SLC25A48: variants seen among roughly 807,000 people sequenced by gnomAD.
The protein encoded by SLC25A48 is solute carrier family 25 member 48.
In SLC25A48, 29 loss-of-function variants were observed where a neutral mutation model predicts 32.2. That is an observed-to-expected ratio of 0.90 (90% CI 0.67 to 1.23). SLC25A48 has a LOEUF of 1.23. Among genes scored for constraint, SLC25A48 ranks in the 50% most tolerant of loss-of-function variants. The pLI, the probability that SLC25A48 is intolerant of heterozygous loss-of-function variation, is 0.00. For synonymous variants in SLC25A48, 164 were observed against 172.3 expected (o/e 0.95, Z 0.38); for missense variants, 399 against 422.7 (o/e 0.94, Z 0.49).
intron 4 of SLC25A48, among the ~76,000 whole-genome samples, chr5:135,828,307 G>A (rs1376994977): frequency 6.6e-6 from 1 of 152,228 alleles, no homozygotes; most frequent in Non-Finnish European, 1.5e-5. Flanking sequence ...CATAACGATG[G>A]AGAGATTTGA....
At chr5:135,607,394 T>G (rs1177602508) in intron 1 of SLC25A48, among the ~76,000 whole-genome samples, 1 of 152,232 alleles carries the variant, frequency 6.6e-6, no homozygotes, top group Non-Finnish European at 1.5e-5. Flanking sequence ...TCTATCCATG[T>G]GTGCACGCAT....
chr5:135,793,912 C>G (rs1480291611), intron 3 of SLC25A48, among the ~76,000 whole-genome samples: 1 of 147,484 alleles, frequency 6.8e-6, no homozygotes, highest in African/African-American at 2.5e-5. Context: ...TGTGTACAAC[C>G]TGGGATATTA....
chr5:135,882,123 CT>C (rs1762519244), intron 7 of SLC25A48, among the ~76,000 whole-genome samples: 1 of 152,238 alleles, frequency 6.6e-6, no homozygotes, highest in South Asian at 2.1e-4. Context: ...TGGAAGCGCT[CT>C]TTCTTGCAAG....
intron 1 of SLC25A48, among the ~76,000 whole-genome samples, chr5:135,600,534 T>C (rs1751770478): frequency 6.6e-6 from 1 of 152,204 alleles, no homozygotes; most frequent in African/African-American, 2.4e-5. Flanking sequence ...CCTACCCTTT[T>C]GTAGTGTTCA....
At chr5:135,801,845 A>G (rs1318491364) in intron 3 of SLC25A48, among the ~76,000 whole-genome samples, 2 of 151,558 alleles carry the variant, frequency 1.3e-5, no homozygotes, top group Non-Finnish European at 2.9e-5. Flanking sequence ...TATTGTTCGT[A>G]TTATCCGGGG....
intron 7 of SLC25A48, among the ~76,000 whole-genome samples, chr5:135,882,258 C>T (rs1762530233): frequency 6.6e-6 from 1 of 152,222 alleles, no homozygotes; most frequent in Non-Finnish European, 1.5e-5. Flanking sequence ...ACAAGTCTTG[C>T]CCATGGCATT....
chr5:135,692,363 T>C (rs1253615822), intron 3 of SLC25A48, among the ~76,000 whole-genome samples: 1 of 132,508 alleles, frequency 7.5e-6, no homozygotes, highest in East Asian at 2.1e-4. Context: ...GCTAGTTCTT[T>C]GTCTGGCAGT....
At chr5:135,795,020 C>T (rs1289883312) in intron 3 of SLC25A48, among the ~76,000 whole-genome samples, 1 of 151,654 alleles carries the variant, frequency 6.6e-6, no homozygotes, top group Non-Finnish European at 1.5e-5. Flanking sequence ...ACTCAATTTC[C>T]CAGGGGTTAT....
At chr5:135,689,141 T>A (rs946080026) in intron 3 of SLC25A48, among the ~76,000 whole-genome samples, 3 of 152,154 alleles carry the variant, frequency 2.0e-5, no homozygotes, top group African/African-American at 7.2e-5. Flanking sequence ...TTGCATGAAA[T>A]CAATGAGATA....
upstream of SLC25A48, among the ~76,000 whole-genome samples, chr5:135,832,129 C>T (rs1758231039): frequency 6.6e-6 from 1 of 152,078 alleles, no homozygotes. Flanking sequence ...GCTAAGATGA[C>T]CCGAGCCACC....
At chr5:135,598,540 A>G (rs1301453180) in intron 1 of SLC25A48, among the ~76,000 whole-genome samples, 1 of 152,182 alleles carries the variant, frequency 6.6e-6, no homozygotes, top group Non-Finnish European at 1.5e-5. Flanking sequence ...CAGGCTGGCT[A>G]CCCTGCAGAC....
intron 3 of SLC25A48, among the ~76,000 whole-genome samples, chr5:135,727,383 G>C (rs1731255501): frequency 6.6e-6 from 1 of 152,022 alleles, no homozygotes; most frequent in Non-Finnish European, 1.5e-5. Context: ...CCTCCTAGCA[G>C]GGTCTTTTTC....
At chr5:135,646,681 A>ATATATATATAT (rs1420073417) in intron 3 of SLC25A48, among the ~76,000 whole-genome samples, 20 of 144,378 alleles carry the variant, frequency 1.4e-4, no homozygotes, top group South Asian at 4.4e-4. Context: ...ATATATATAC[A>ATATATATATAT]ATGGGAAGGA....
intron 4 of SLC25A48, among the ~76,000 whole-genome samples, chr5:135,870,487 G>C (rs1480045438): frequency 6.6e-6 from 1 of 152,178 alleles, no homozygotes; most frequent in East Asian, 1.9e-4. Flanking sequence ...CCTAGAAGAA[G>C]CTGGAGACAA....
chr5:135,823,051 G>A (rs1734889474), intron 4 of SLC25A48, among the ~76,000 whole-genome samples: 1 of 152,082 alleles, frequency 6.6e-6, no homozygotes, highest in South Asian at 2.1e-4. Context: ...CTTAGGACAG[G>A]GACCTCAGTG....
At chr5:135,603,478 A>G (rs1285598083) in intron 1 of SLC25A48, among the ~76,000 whole-genome samples, 2 of 152,238 alleles carry the variant, frequency 1.3e-5, no homozygotes, top group Non-Finnish European at 2.9e-5. Context: ...GCTGAGTAGA[A>G]TCCTGATGAG....
intron 4 of SLC25A48, among the ~76,000 whole-genome samples, chr5:135,868,554 A>G (rs1455915727): frequency 2.0e-5 from 3 of 152,160 alleles, no homozygotes; most frequent in African/African-American, 7.2e-5. Context: ...CTTAGGAAAT[A>G]TTTTTCAACA....
chr5:135,613,439 A>C (rs1752118396), intron 1 of SLC25A48, among the ~76,000 whole-genome samples: 3 of 151,932 alleles, frequency 2.0e-5, no homozygotes, highest in African/African-American at 7.3e-5. Context: ...TTATAATTTC[A>C]TTTGTCTATT....
intron 3 of SLC25A48, among the ~76,000 whole-genome samples, chr5:135,758,026 A>AATGATATTTATAGAATATCATCTCT (rs1755962826): frequency 6.7e-6 from 1 of 150,168 alleles, no homozygotes; most frequent in Admixed American, 6.6e-5. Context: ...AGTGTAACAC[A>AATGATATTTATAGAATATCATCTCT]ATGATATTTA....
Sources: gnomAD v4.1 joint callset for allele counts (sites outside exome capture counted in the v4.1 genomes callset) on GRCh38, gnomAD v4.1.1 for gene constraint, MANE v1.5 for transcripts, NCBI Gene and HGNC (gene_info 2026-07-23, HGNC 2026-07-21) for gene names.